The following HSBP1 variants were observed in gnomAD, a reference collection of about 807,000 sequenced individuals.
The protein encoded by HSBP1 is heat shock factor-binding protein 1.
In HSBP1, 5 loss-of-function variants were observed where a neutral mutation model predicts 9.6. That is an observed-to-expected ratio of 0.52 (90% CI 0.27 to 1.09). The LOEUF is 1.09. Ranked by LOEUF, HSBP1 falls within the 50% of genes least tolerant of loss-of-function variation. The pLI is 0.11. For synonymous variants in HSBP1, 42 were observed against 33.3 expected (o/e 1.26, Z -0.90); for missense variants, 121 against 96.3 (o/e 1.26, Z -1.07).
At position 83,819,200 on chromosome 16, in the gene HSBP1, C is replaced by T. The variant is rs1432505694; in HGVS notation, c.*7782C>T. 1.3e-5 allele frequency: 2 copies of T among 152,166 alleles called. No homozygotes were observed. Among genetic ancestry groups the T allele is most frequent in the African/African-American group, 4.8e-5 (2 of 41,430 alleles). The allele number at this position is 152,166 out of a possible 1,614,324, so 9.4% of individuals were successfully genotyped here. A position where few individuals can be genotyped will look rare whatever the true frequency, so the allele number is the denominator to read the frequency against. ...GGGCACTGATTAGCATGCAGGTCCC[C>T]AGGCCCCCTTTTTGTAGATCCTGAT... On this transcript the variant is annotated 3_prime_UTR_variant, in exon 4 of 4. Transcript: ENST00000433866.
rs1466237037 is a variant in HSBP1 at position 83,817,505 on chromosome 16, C to G, written c.*6087C>G. The G allele has an allele frequency of 6.6e-6, 1 of 152,202 alleles. No individual in the cohort carries two copies. Among genetic ancestry groups the G allele is most frequent in the African/African-American group, 2.4e-5 (1 of 41,450 alleles). The allele number at this position is 152,202 out of a possible 1,614,324, so 9.4% of individuals were successfully genotyped here. On this transcript the variant is annotated 3_prime_UTR_variant, in exon 4 of 4. Transcript: ENST00000433866. ...TTCACTGCTCAGAGGCTCTCGAAAGCTGTTGACATTATCAAAAAGTTTTCC... is the reference window on the plus strand; with the variant it reads ...TTCACTGCTCAGAGGCTCTCGAAAGGTGTTGACATTATCAAAAAGTTTTCC...
At chr16:83,808,616 C>A in intron 1 of HSBP1, 64 bp from the exon 2 acceptor site, 1 of 1,364,102 alleles carries the variant, frequency 7.3e-7, no homozygotes. Context: ...GGCTTGCGTC[C>A]TGATCCCAGG....
Position 83,813,744 on chromosome 16 carries a change from A to C in HSBP1, c.*2326A>C, listed in dbSNP as rs1404215494. The stretch of plus-strand genomic sequence containing the variant: ...GTATGGGGGCCCTCGCACCAAGGAA[A>C]ACAGCGTTACATTTAATTAAGTGCC... On this transcript the variant is annotated 3_prime_UTR_variant, in exon 4 of 4. Transcript: ENST00000433866. The C allele has an allele frequency of 1.3e-5, 2 of 152,210 alleles. No homozygotes were observed. Among genetic ancestry groups the C allele is most frequent in the African/African-American group, 4.8e-5 (2 of 41,450 alleles). 9.4% of individuals were successfully genotyped at this position (152,210 alleles called of 1,614,324 possible).
At chr16:83,808,439 A>T (rs1002594548) in intron 1 of HSBP1, 54 of 566,270 alleles carry the variant, frequency 9.5e-5, no homozygotes, top group Middle Eastern at 7.7e-4. Context: ...CGGGTGCCCC[A>T]GCCCGGCAGA....
intron 2 of HSBP1, 174 bp from the exon 3 acceptor site, chr16:83,809,131 C>G (rs1904535760): frequency 1.8e-6 from 1 of 565,322 alleles, no homozygotes; most frequent in Non-Finnish European, 3.1e-6. Context: ...GAATCCGATG[C>G]GGGGTAGCCA....
At chr16:83,808,354 C>T (rs1334056385) in intron 1 of HSBP1, 1 of 551,008 alleles carries the variant, frequency 1.8e-6, no homozygotes, top group Non-Finnish European at 3.2e-6. Flanking sequence ...CCCCATTCAT[C>T]TGTCGCGAAC....
chr16:83,814,981 A>G lies in HSBP1; in HGVS notation c.*3563A>G, dbSNP rs1364620284. 1 of 151,864 alleles carries G rather than the reference A, an allele frequency of 6.6e-6. No homozygotes were observed. Among genetic ancestry groups the G allele is most frequent in the Non-Finnish European group, 1.5e-5 (1 of 67,998 alleles). The allele number at this position is 151,864 out of a possible 1,614,324, so 9.4% of individuals were successfully genotyped here. ...CCCCCCCGCCACTCCGTGACCTATTAGCTTACCATCCTATTGGATTTCACT... is the reference window on the plus strand; with the variant it reads ...CCCCCCCGCCACTCCGTGACCTATTGGCTTACCATCCTATTGGATTTCACT... On this transcript the variant is annotated 3_prime_UTR_variant, in exon 4 of 4. Coordinates refer to ENST00000433866, the MANE Select transcript of HSBP1 (RefSeq NM_001537.4).
rs1296190930 is a variant in HSBP1, at chr16:83,808,020, C to T, written c.-57C>T. 6.9e-6 allele frequency: 10 copies of T among 1,453,822 alleles called. No homozygotes were observed. Among genetic ancestry groups the T allele is most frequent in the Non-Finnish European group, 9.2e-6 (10 of 1,087,254 alleles). The allele number at this position is 1,453,822 out of a possible 1,614,324, so 90.1% of individuals were successfully genotyped here. On this transcript the variant is annotated 5_prime_UTR_variant, in exon 1 of 4. Coordinates refer to ENST00000433866, the MANE Select transcript of HSBP1 (RefSeq NM_001537.4). ...CAGCGGCCCGGGGCGACTGAGCGGA[C>T]AAACGGAAGTGTAGGTTACGGTCTG...
At position 83,818,314 on chromosome 16, in the gene HSBP1, A is replaced by T. The variant is rs1904765798; in HGVS notation, c.*6896A>T. 6.6e-6 allele frequency: 1 copy of T among 152,304 alleles called. No individual in the cohort carries two copies. Among genetic ancestry groups the T allele is most frequent in the East Asian group, 1.9e-4 (1 of 5,174 alleles). The allele number at this position is 152,304 out of a possible 1,614,324, so 9.4% of individuals were successfully genotyped here. On this transcript the variant is annotated 3_prime_UTR_variant, in exon 4 of 4. Coordinates refer to ENST00000433866, the MANE Select transcript of HSBP1 (RefSeq NM_001537.4). Reference sequence around the variant, plus strand: ...TCTGTGACCCAACTTTGTCTTCCCCATGATGAAAAACAGACCCCATAGAAA... The same window carrying T: ...TCTGTGACCCAACTTTGTCTTCCCCTTGATGAAAAACAGACCCCATAGAAA...
Position 83,815,966 on chromosome 16 carries a change from C to T in HSBP1, c.*4548C>T, listed in dbSNP as rs1297915758. 6.6e-6 allele frequency: 1 copy of T among 152,184 alleles called. No individual in the cohort carries two copies. The highest frequency in any genetic ancestry group is 1.5e-5 in the Non-Finnish European group (1 of 68,044). The allele number at this position is 152,184 out of a possible 1,614,324, so 9.4% of individuals were successfully genotyped here. ...ATTAAGAATAGTCTGGATTCAGGAT[C>T]CAGCAGCTTAGAAGCGTTTAGCTAC... On this transcript the variant is annotated 3_prime_UTR_variant, in exon 4 of 4. Coordinates refer to ENST00000433866, the MANE Select transcript of HSBP1 (RefSeq NM_001537.4).
At chr16:83,811,032 G>C (rs867313273) in intron 3 of HSBP1, among the ~76,000 whole-genome samples, 2 of 152,142 alleles carry the variant, frequency 1.3e-5, no homozygotes, top group Non-Finnish European at 2.9e-5. Context: ...TCACATAACT[G>C]CTTTCTATGG....
chr16:83,811,152 A>G (rs952280357), intron 3 of HSBP1, among the ~76,000 whole-genome samples: 10 of 152,250 alleles, frequency 6.6e-5, no homozygotes, highest in African/African-American at 2.4e-4. Context: ...AACTGCCATC[A>G]ACTGACTGAT....
chr16:83,818,187 A>G lies in HSBP1; in HGVS notation c.*6769A>G, dbSNP rs1413839062. On this transcript the variant is annotated 3_prime_UTR_variant, in exon 4 of 4. Transcript: ENST00000433866. ...AATCCTTGTCTGGAAGGTTGATTAT[A>G]TCAGATGCGCATTTTGCCAGCATCC... 1 of 152,170 alleles carries G rather than the reference A, an allele frequency of 6.6e-6. No homozygotes were observed. The allele number at this position is 152,170 out of a possible 1,614,324, so 9.4% of individuals were successfully genotyped here.
intron 1 of HSBP1, chr16:83,808,430 G>A: frequency 1.8e-6 from 1 of 566,808 alleles, no homozygotes; most frequent in Non-Finnish European, 3.1e-6. Context: ...ACACACCCCC[G>A]GGTGCCCCAG....
chr16:83,808,053 A>G lies in HSBP1; in HGVS notation c.-24A>G, dbSNP rs1904500298. On this transcript the variant is annotated 5_prime_UTR_variant, in exon 1 of 4. Coordinates refer to ENST00000433866, the MANE Select transcript of HSBP1 (RefSeq NM_001537.4). Reference sequence around the variant, plus strand: ...AGTGTAGGTTACGGTCTGAGACATCACCGCCAAGCTGGGCATCGGGGAGAT... The same window carrying G: ...AGTGTAGGTTACGGTCTGAGACATCGCCGCCAAGCTGGGCATCGGGGAGAT... The G allele has an allele frequency of 6.5e-7, 1 of 1,538,360 alleles. No homozygotes were observed. Among genetic ancestry groups the G allele is most frequent in the Non-Finnish European group, 8.8e-7 (1 of 1,140,940 alleles).
rs1904600961 is a variant in HSBP1 at position 83,811,534 on chromosome 16, T to G, written c.*116T>G. On this transcript the variant is annotated 3_prime_UTR_variant, in exon 4 of 4. Coordinates refer to ENST00000433866, the MANE Select transcript of HSBP1 (RefSeq NM_001537.4). ...AGGTTTTATATTATAAAGTATGCAT[T>G]CTTATCACCTAGTATATAGTTAGTT... is the stretch of plus-strand genomic sequence containing the variant. 6.6e-6 allele frequency: 1 copy of G among 152,254 alleles called. No homozygotes were observed. 9.4% of individuals were successfully genotyped at this position (152,254 alleles called of 1,614,324 possible).
intron 1 of HSBP1, 110 bp from the exon 2 acceptor site, chr16:83,808,570 C>G (rs1904518223): frequency 5.1e-6 from 4 of 779,650 alleles, no homozygotes; most frequent in Non-Finnish European, 8.6e-6. Context: ...GCACAGCTGT[C>G]CAGAGGCAGA....
At chr16:83,811,039 A>G (rs906908651) in intron 3 of HSBP1, among the ~76,000 whole-genome samples, 3 of 152,190 alleles carry the variant, frequency 2.0e-5, no homozygotes, top group African/African-American at 2.4e-5. Context: ...ACTGCTTTCT[A>G]TGGGTTATGT....
At chr16:83,808,899 G>A (rs1220647971) in intron 2 of HSBP1, among the ~76,000 whole-genome samples, 153 bp downstream of exon 2, 5 of 152,190 alleles carry the variant, frequency 3.3e-5, no homozygotes, top group Non-Finnish European at 5.9e-5. Context: ...GAAGGACTGC[G>A]CCGAGAGCTA....
Sources: allele counts gnomAD v4.1 joint callset (sites outside exome capture counted in the v4.1 genomes callset), GRCh38; gene constraint gnomAD v4.1.1; transcripts MANE v1.5; gene names NCBI Gene and HGNC (gene_info 2026-07-23, HGNC 2026-07-21).